The following ANGPT1 variants were observed in gnomAD, a reference collection of about 807,000 sequenced individuals.
ANGPT1 encodes angiopoietin-1.
Under a neutral mutation model 62.2 loss-of-function variants are expected in ANGPT1, and 17 were observed. The observed-to-expected ratio is 0.27, with a 90% CI of 0.19 to 0.41. The LOEUF (loss-of-function observed/expected upper bound fraction) is 0.41. ANGPT1 is among the 10% of genes least tolerant of loss of function. The probability of loss-of-function intolerance (pLI) is 1.00; values close to 1 mark genes in which losing one functional copy is unlikely to be tolerated. For missense variants in ANGPT1, 478 were observed against 594.9 expected (o/e 0.80, Z 2.04); for synonymous variants, 199 against 198.9 (o/e 1.00, Z 0.00).
chr8:107,434,670 C>A (rs1274945179), intron 1 of ANGPT1, among the ~76,000 whole-genome samples: 1 of 152,156 alleles, frequency 6.6e-6, no homozygotes. Context: ...CTAGCTCTAA[C>A]CCTGATTACA....
chr8:107,480,145 T>C (rs1435007588), intron 1 of ANGPT1, among the ~76,000 whole-genome samples: 1 of 152,150 alleles, frequency 6.6e-6, no homozygotes, highest in Non-Finnish European at 1.5e-5. Flanking sequence ...CCTAAGTAAA[T>C]GGTGACTGTT....
chr8:107,319,558 T>C (rs984185786), intron 4 of ANGPT1, among the ~76,000 whole-genome samples: 2 of 151,632 alleles, frequency 1.3e-5, no homozygotes, highest in Non-Finnish European at 2.9e-5. Flanking sequence ...AATCCTTCAA[T>C]AAATAATAAA....
chr8:107,486,748 A>T (rs1281788081), intron 1 of ANGPT1, among the ~76,000 whole-genome samples: 1 of 152,116 alleles, frequency 6.6e-6, no homozygotes, highest in Non-Finnish European at 1.5e-5. Flanking sequence ...AAATCCAAGC[A>T]GTTTGACTCT....
intron 3 of ANGPT1, among the ~76,000 whole-genome samples, chr8:107,333,944 A>AAG (rs1369839204): frequency 2.1e-5 from 3 of 142,168 alleles, no homozygotes; most frequent in African/African-American, 5.5e-5. Context: ...GAAAGAAAGA[A>AAG]AAAGAAAGAA....
intron 1 of ANGPT1, among the ~76,000 whole-genome samples, chr8:107,476,826 T>C (rs1056901093): frequency 1.3e-5 from 2 of 152,210 alleles, no homozygotes; most frequent in African/African-American, 4.8e-5. Flanking sequence ...AAAATCCTAG[T>C]ATTATCTTTG....
chr8:107,369,466 T>C (rs1043371262), intron 1 of ANGPT1, among the ~76,000 whole-genome samples: 13 of 152,240 alleles, frequency 8.5e-5, no homozygotes, highest in Admixed American at 5.2e-4. Context: ...GAATAGTATT[T>C]TAATTTCCTT....
At chr8:107,379,972 A>T (rs1398529667) in intron 1 of ANGPT1, among the ~76,000 whole-genome samples, 1 of 152,174 alleles carries the variant, frequency 6.6e-6, no homozygotes, top group Non-Finnish European at 1.5e-5. Flanking sequence ...GTAAAAAATG[A>T]TGAAAGAACT....
chr8:107,275,207 G>GT (rs750356728), intron 7 of ANGPT1, among the ~76,000 whole-genome samples: 3 of 152,044 alleles, frequency 2.0e-5, no homozygotes, highest in African/African-American at 7.2e-5. Context: ...AGAAAAGGCC[G>GT]TATCAGAGCA....
chr8:107,307,325 C>G (rs185882385), intron 4 of ANGPT1, among the ~76,000 whole-genome samples: 1 of 152,100 alleles, frequency 6.6e-6, no homozygotes, highest in Non-Finnish European at 1.5e-5. Context: ...TCCCAACCCC[C>G]AGATGGGCAT....
chr8:107,426,293 A>G (rs1346350388), intron 1 of ANGPT1, among the ~76,000 whole-genome samples: 2 of 152,168 alleles, frequency 1.3e-5, no homozygotes, highest in Non-Finnish European at 2.9e-5. Context: ...GAATAAAGAG[A>G]GAAAGGGCAA....
chr8:107,408,784 T>C (rs1331751601), intron 1 of ANGPT1, among the ~76,000 whole-genome samples: 2 of 152,218 alleles, frequency 1.3e-5, no homozygotes, highest in Non-Finnish European at 2.9e-5. Flanking sequence ...AATGAGGCTT[T>C]AGAGGCTTGG....
intron 1 of ANGPT1, among the ~76,000 whole-genome samples, chr8:107,353,997 G>A (rs901995406): frequency 1.3e-5 from 2 of 152,086 alleles, no homozygotes; most frequent in Non-Finnish European, 2.9e-5. Flanking sequence ...AAGCTATCAA[G>A]GGCAACCCAG....
chr8:107,437,887 G>A (rs1015324432), intron 1 of ANGPT1, among the ~76,000 whole-genome samples: 30 of 152,274 alleles, frequency 2.0e-4, no homozygotes, highest in Admixed American at 4.6e-4. Flanking sequence ...AGGACTGGTT[G>A]TATTGGAGAC....
chr8:107,390,277 T>C (rs1225567689), intron 1 of ANGPT1, among the ~76,000 whole-genome samples: 2 of 152,194 alleles, frequency 1.3e-5, no homozygotes, highest in African/African-American at 4.8e-5. Context: ...TTTATGAAAC[T>C]GAGCACATTG....
intron 6 of ANGPT1, among the ~76,000 whole-genome samples, chr8:107,289,010 A>G (rs1814210433): frequency 6.6e-6 from 1 of 152,158 alleles, no homozygotes. Context: ...AACAATTACA[A>G]TACAATTTCC....
chr8:107,398,923 A>C (rs942181645), intron 1 of ANGPT1, among the ~76,000 whole-genome samples: 2 of 152,214 alleles, frequency 1.3e-5, no homozygotes, highest in African/African-American at 4.8e-5. Context: ...GAGCTATTTC[A>C]GTGGCTGTAG....
intron 1 of ANGPT1, among the ~76,000 whole-genome samples, chr8:107,446,162 C>T (rs1811612814): frequency 6.6e-6 from 1 of 152,164 alleles, no homozygotes; most frequent in Non-Finnish European, 1.5e-5. Flanking sequence ...CATGATCTGC[C>T]CGCCTTGGCT....
intron 1 of ANGPT1, among the ~76,000 whole-genome samples, chr8:107,481,198 T>C (rs1326447137): frequency 6.6e-6 from 1 of 152,116 alleles, no homozygotes; most frequent in Admixed American, 6.6e-5. Flanking sequence ...CTTACAGTCC[T>C]GATTTGGCTC....
intron 1 of ANGPT1, among the ~76,000 whole-genome samples, chr8:107,474,589 A>T (rs1405977302): frequency 2.0e-5 from 3 of 152,188 alleles, no homozygotes; most frequent in Non-Finnish European, 4.4e-5. Context: ...GGCCAGGGCA[A>T]TTAGGCAGGA....
Sources: gnomAD v4.1 joint callset for allele counts (sites outside exome capture counted in the v4.1 genomes callset) on GRCh38, gnomAD v4.1.1 for gene constraint, MANE v1.5 for transcripts, NCBI Gene and HGNC (gene_info 2026-07-23, HGNC 2026-07-21) for gene names.